EML4: variants seen among roughly 807,000 people sequenced by gnomAD.
EML4 encodes the protein EMAP like 4.
Under a neutral mutation model 129.0 loss-of-function variants are expected in EML4, and 72 were observed. The ratio of observed to expected loss-of-function variants is 0.56; its 90% CI spans 0.46 to 0.68. EML4 has a LOEUF of 0.68. EML4 is among the 30% of genes least tolerant of loss of function. The pLI is 0.00. For missense variants in EML4, 1,363 were observed against 1,190.6 expected, an observed-to-expected ratio of 1.14 and a Z score of -2.13; for synonymous variants, 532 against 405.0, an observed-to-expected ratio of 1.31 and a Z score of -3.77.
chr2:42,188,099 A>G (rs1191693357), intron 1 of EML4, among the ~76,000 whole-genome samples: 1 of 152,172 alleles, frequency 6.6e-6, no homozygotes, highest in African/African-American at 2.4e-5. Flanking sequence ...GCCTTTTTCC[A>G]TTGAATTACC....
intron 17 of EML4, among the ~76,000 whole-genome samples, 166 bp downstream of exon 17, chr2:42,304,717 C>T (rs1668495378): frequency 6.6e-6 from 1 of 152,208 alleles, no homozygotes; most frequent in Non-Finnish European, 1.5e-5. Flanking sequence ...ATTTATTGAG[C>T]ACCTGCCTTT....
chr2:42,282,715 G>A, intron 7 of EML4, 108 bp from the exon 8 acceptor site: 1 of 994,876 alleles, frequency 1.0e-6, no homozygotes, highest in Admixed American at 2.1e-5. Context: ...TCTAGTTCTA[G>A]TTCAGTCTTC....
chr2:42,240,901 G>A (rs1674985325), intron 1 of EML4, among the ~76,000 whole-genome samples: 1 of 152,140 alleles, frequency 6.6e-6, no homozygotes, highest in South Asian at 2.1e-4. Context: ...AGCACTTTGG[G>A]AGGCCAAGGC....
chr2:42,278,868 G>A (rs960800152), intron 6 of EML4, among the ~76,000 whole-genome samples: 3 of 152,056 alleles, frequency 2.0e-5, no homozygotes, highest in Admixed American at 1.3e-4. Flanking sequence ...CCCGGGAGGT[G>A]GAAGTTACAG....
intron 1 of EML4, among the ~76,000 whole-genome samples, chr2:42,197,242 T>C (rs1671945676): frequency 6.6e-6 from 1 of 152,078 alleles, no homozygotes; most frequent in African/African-American, 2.4e-5. Context: ...TTCGTATTGT[T>C]TTGTAGAGAT....
intron 1 of EML4, among the ~76,000 whole-genome samples, chr2:42,182,125 CT>C (rs1164289811): frequency 0.046 from 4,744 of 102,698 alleles, 184 homozygotes; most frequent in African/African-American, 0.14. Flanking sequence ...CCACTGGTTT[CT>C]TTTTTTTTTT....
chr2:42,303,533 T>C lies in EML4; in HGVS notation c.1899+87T>C, dbSNP rs540621506. On this transcript the variant is annotated intron_variant, in intron 16 of 22. Coordinates refer to ENST00000318522, the MANE Select transcript of EML4 (RefSeq NM_019063.5). ...GAGCAGCAAAGTAAAAAGGACTAAG[T>C]GTTGATTCAAACCAAATGTAAACAT... 2 of 1,436,010 alleles carry C rather than the reference T, an allele frequency of 1.4e-6. 1 individual carries two copies. The highest frequency in any genetic ancestry group is 4.6e-5 in the East Asian group (2 of 43,522). The allele number at this position is 1,436,010 out of a possible 1,614,324, so 89.0% of individuals were successfully genotyped here.
rs141836533 is a variant in EML4 at position 42,304,516 on chromosome 2, T to C, written c.1932T>C (p.Ser644=). The change falls in exon 17 of 23, where the codon AGT becomes AGC. Residue 644 remains serine, a synonymous_variant. Transcript: ENST00000318522. The part of the protein sequence containing the change: ...EPGHCADFHP[S]GTVVAIGTHS... Reference sequence around the variant, plus strand: ...GACACTGTGCAGATTTTCATCCAAGTGGCACAGTGGTGGCCATAGGAACGC... The same window carrying C: ...GACACTGTGCAGATTTTCATCCAAGCGGCACAGTGGTGGCCATAGGAACGC... The C allele has an allele frequency of 1.7e-5, 28 of 1,613,948 alleles. No homozygotes were observed. The highest frequency in any genetic ancestry group is 2.2e-5 in the Non-Finnish European group (26 of 1,179,972).
rs190956254 is a variant in EML4, at chr2:42,238,204, A to G, written c.26-7301A>G. On this transcript the variant is annotated intron_variant, in intron 1 of 22. Transcript: ENST00000318522. Reference sequence around the variant, plus strand: ...TATGCAGATATTCCAAAATCTGAAAAATTTGAGACCTGAAACACTTCTGGT... The same window carrying G: ...TATGCAGATATTCCAAAATCTGAAAGATTTGAGACCTGAAACACTTCTGGT... 1.5e-4 allele frequency among the ~76,000 whole-genome samples: 23 copies of G among 152,294 alleles called. No individual in the cohort carries two copies. In the East Asian group the frequency reaches 3.7e-3, roughly 24 times the overall value.
chr2:42,275,414 G>A (rs1417505807), intron 6 of EML4, among the ~76,000 whole-genome samples: 1 of 152,136 alleles, frequency 6.6e-6, no homozygotes, highest in African/African-American at 2.4e-5. Context: ...CGAGTTCTAA[G>A]TAATAGAATT....
At chr2:42,301,029 A>G (rs189576784) in intron 13 of EML4, among the ~76,000 whole-genome samples, 1 of 152,344 alleles carries the variant, frequency 6.6e-6, no homozygotes, top group East Asian at 1.9e-4. Context: ...TTTTCAGAGT[A>G]AATAAATATT....
At chr2:42,296,613 C>T (rs1382918608) in intron 13 of EML4, among the ~76,000 whole-genome samples, 1 of 152,140 alleles carries the variant, frequency 6.6e-6, no homozygotes, top group Non-Finnish European at 1.5e-5. Flanking sequence ...AATAAGCTTT[C>T]CCTGGGCTAG....
At chr2:42,199,973 T>G (rs1244944001) in intron 1 of EML4, among the ~76,000 whole-genome samples, 2 of 152,074 alleles carry the variant, frequency 1.3e-5, no homozygotes, top group Admixed American at 1.3e-4. Context: ...CATTCCTTAA[T>G]GAGATGAACA....
At chr2:42,233,167 C>G (rs1407465503) in intron 1 of EML4, among the ~76,000 whole-genome samples, 2 of 152,296 alleles carry the variant, frequency 1.3e-5, no homozygotes. Flanking sequence ...TTCATCCCTT[C>G]ACAGCAGTTT....
At chr2:42,329,394 C>A (rs887612690) in intron 22 of EML4, among the ~76,000 whole-genome samples, 1 of 152,214 alleles carries the variant, frequency 6.6e-6, no homozygotes, top group African/African-American at 2.4e-5. Flanking sequence ...ATCCTACCAA[C>A]ATAGTAAATG....
Position 42,261,251 on chromosome 2 carries a change from CACAG to C in EML4, c.473_476del (p.Arg158LysfsTer14). The C allele has an allele frequency of 1.2e-6, 2 of 1,613,882 alleles. No individual in the cohort carries two copies. The highest frequency in any genetic ancestry group is 1.7e-6 in the Non-Finnish European group (2 of 1,179,870). On this transcript the variant is annotated frameshift_variant, in exon 4 of 23. Transcript: ENST00000318522. LOFTEE classifies it high-confidence loss of function. ...GCCCTCTTCACAACCTCTCCAAATA[CACAG>C]ACAAACTCCAGAAAGCAAGAATGCT...
At chr2:42,319,292 G>T (rs935798957) in intron 19 of EML4, among the ~76,000 whole-genome samples, 1 of 152,160 alleles carries the variant, frequency 6.6e-6, no homozygotes, top group Non-Finnish European at 1.5e-5. Context: ...TGATCCAGAA[G>T]AGAGAGCAAT....
intron 1 of EML4, among the ~76,000 whole-genome samples, chr2:42,200,772 A>G (rs1672184496): frequency 6.6e-6 from 1 of 152,176 alleles, no homozygotes; most frequent in South Asian, 2.1e-4. Context: ...AGACACTCAT[A>G]GTCTTGGCAT....
chr2:42,310,306 C>T (rs183256736), intron 17 of EML4, among the ~76,000 whole-genome samples: 236 of 151,508 alleles, frequency 1.6e-3, no homozygotes, highest in Admixed American at 3.6e-3. Context: ...TTCCCCTTTC[C>T]CTTCCCCTTT....
Sources: gnomAD v4.1 joint callset for allele counts (sites outside exome capture counted in the v4.1 genomes callset) on GRCh38, gnomAD v4.1.1 for gene constraint, MANE v1.5 for transcripts, NCBI Gene and HGNC (gene_info 2026-07-23, HGNC 2026-07-21) for gene names.